Variants in GPATCH8 observed in about 807,000 individuals in gnomAD.
The protein encoded by GPATCH8 is G-patch domain containing 8, also known as G patch domain-containing protein 8.
In GPATCH8, 18 loss-of-function variants were observed where a neutral mutation model predicts 118.3. The ratio of observed to expected loss-of-function variants is 0.15; its 90% CI spans 0.11 to 0.23. The LOEUF (loss-of-function observed/expected upper bound fraction) is 0.23. GPATCH8 is among the 10% of genes least tolerant of loss of function. The pLI is 1.00. For synonymous variants in GPATCH8, 659 were observed against 684.7 expected (o/e 0.96, Z 0.59); for missense variants, 1,631 against 1,873.8 (o/e 0.87, Z 2.39).
Position 44,400,043 on chromosome 17 carries a change from T to C in GPATCH8, c.2034A>G (p.Lys678=). 3 of 1,614,102 alleles carry C rather than the reference T, an allele frequency of 1.9e-6. No individual in the cohort carries two copies. The highest frequency in any genetic ancestry group is 2.5e-6 in the Non-Finnish European group (3 of 1,180,010). ...RSGKSHRHKK[K]KKHKKSSKHK... is the part of the protein sequence containing the mutation. ...GTTTGCTGGATTTTTTGTGCTTCTT[T>C]TTCTTTTTGTGCCGGTGGGACTTCC... The change falls in exon 8 of 8, where the codon AAA becomes AAG. Residue 678 remains lysine, a synonymous_variant. Coordinates refer to ENST00000591680, the MANE Select transcript of GPATCH8 (RefSeq NM_001002909.4).
rs2048862108 is a variant in GPATCH8 at position 44,398,407 on chromosome 17, G to C, written c.3670C>G (p.Leu1224Val). Reference sequence around the variant, plus strand: ...CAGTCAGAATGTGCTGGGGTGCCTAGTGGAGCCACAGGGTGATCAGCAGTA... The same window carrying C: ...CAGTCAGAATGTGCTGGGGTGCCTACTGGAGCCACAGGGTGATCAGCAGTA... ...EATADHPVAP[L>V]GTPAHSDCYP... Residue 1224 changes from leucine (L) to valine (V), a missense_variant, in exon 8 of 8, where the codon CTA (leucine) becomes GTA (valine). Physicochemically the swap from Leu to Val is conservative, Grantham distance 32. Transcript: ENST00000591680. The C allele has an allele frequency of 6.2e-7, 1 of 1,613,894 alleles. No individual in the cohort carries two copies. The highest frequency in any genetic ancestry group is 1.3e-5 in the African/African-American group (1 of 74,916).
At chr17:44,437,287 A>C (rs2050545331) in intron 3 of GPATCH8, among the ~76,000 whole-genome samples, 1 of 152,142 alleles carries the variant, frequency 6.6e-6, no homozygotes, top group African/African-American at 2.4e-5. Context: ...TTGACTTTAA[A>C]CTAATTGATC....
intron 6 of GPATCH8, among the ~76,000 whole-genome samples, chr17:44,422,868 A>G (rs2049961095): frequency 6.6e-6 from 1 of 151,994 alleles, no homozygotes; most frequent in African/African-American, 2.4e-5. Context: ...TTCCTGAAAA[A>G]CCAGTCTTTG....
chr17:44,435,354 A>G (rs2050462378), intron 4 of GPATCH8, among the ~76,000 whole-genome samples: 1 of 151,664 alleles, frequency 6.6e-6, no homozygotes, highest in South Asian at 2.1e-4. Flanking sequence ...AGTTTCCAAA[A>G]GGCACATTTG....
intron 5 of GPATCH8, among the ~76,000 whole-genome samples, chr17:44,425,325 T>G (rs745837409): frequency 6.6e-6 from 1 of 152,188 alleles, no homozygotes; most frequent in African/African-American, 2.4e-5. Context: ...TCTCAAAGAC[T>G]ATATCTACAG....
intron 3 of GPATCH8, among the ~76,000 whole-genome samples, chr17:44,447,856 G>A (rs1188141756): frequency 6.6e-6 from 1 of 152,192 alleles, no homozygotes; most frequent in Non-Finnish European, 1.5e-5. Context: ...AAGATATTTT[G>A]TAAACTTTAA....
At chr17:44,436,442 T>G (rs746261023) in intron 4 of GPATCH8, 36 bp downstream of exon 4, 1 of 882,726 alleles carries the variant, frequency 1.1e-6, no homozygotes, top group Non-Finnish European at 2.0e-6. Context: ...TTTCAAAATA[T>G]CTCACAAAAC....
At chr17:44,454,852 T>C (rs2051266471) in intron 3 of GPATCH8, among the ~76,000 whole-genome samples, 1 of 152,232 alleles carries the variant, frequency 6.6e-6, no homozygotes, top group East Asian at 1.9e-4. Context: ...TCAAAGGCTC[T>C]ACAAGCTCTA....
At position 44,463,816 on chromosome 17, in the gene GPATCH8, G is replaced by A. The variant is rs576891075; in HGVS notation, c.193+656C>T. The stretch of plus-strand genomic sequence containing the variant: ...GGAGAACTCAGAAGCTGAAATATTA[G>A]TATTTTGTTTTTAATACAAATGACT... On this transcript the variant is annotated intron_variant, in intron 3 of 7. Transcript: ENST00000591680. Among the ~76,000 whole-genome samples the A allele has an allele frequency of 5.3e-5, 8 of 152,300 alleles. No individual in the cohort carries two copies. In the South Asian group the frequency reaches 8.3e-4, roughly 16 times the overall value.
chr17:44,452,033 G>A (rs1426692552), intron 3 of GPATCH8, among the ~76,000 whole-genome samples: 1 of 152,104 alleles, frequency 6.6e-6, no homozygotes, highest in South Asian at 2.1e-4. Context: ...CACTTTGGGA[G>A]GCCGATTCGG....
intron 6 of GPATCH8, among the ~76,000 whole-genome samples, chr17:44,419,640 G>A (rs1262453707): frequency 1.3e-5 from 2 of 151,276 alleles, no homozygotes; most frequent in Non-Finnish European, 2.9e-5. Context: ...CTACATGTGC[G>A]TGTCACCACA....
chr17:44,468,290 A>C (rs1966968280), intron 2 of GPATCH8, among the ~76,000 whole-genome samples: 1 of 151,736 alleles, frequency 6.6e-6, no homozygotes, highest in South Asian at 2.1e-4. Flanking sequence ...GCTATTTACA[A>C]CACCAAGTTG....
intron 2 of GPATCH8, among the ~76,000 whole-genome samples, chr17:44,470,252 C>T (rs778301519): frequency 2.0e-5 from 3 of 152,196 alleles, no homozygotes; most frequent in Non-Finnish European, 4.4e-5. Flanking sequence ...GATCGAGTCT[C>T]GCTCTGTCAC....
chr17:44,499,457 G>A (rs1385722713), intron 1 of GPATCH8, among the ~76,000 whole-genome samples: 3 of 152,116 alleles, frequency 2.0e-5, no homozygotes, highest in East Asian at 1.9e-4. Context: ...CAACAAGAGC[G>A]AAACTCCATC....
rs1315239088 is a variant in GPATCH8, at chr17:44,399,113, A to G, written c.2964T>C (p.Tyr988=). 1 of 1,612,608 alleles carries G rather than the reference A, an allele frequency of 6.2e-7. No individual in the cohort carries two copies. The highest frequency in any genetic ancestry group is 8.5e-7 in the Non-Finnish European group (1 of 1,179,114). ...TAHSWQRSRS[Y]SRDRSRSTRS... is the part of the protein sequence containing the mutation. ...TGGTGCTGCGGCTGCGGTCCCGGCT[A>G]TAGCTCCGGCTCCGTTGCCAGCTGT... The change falls in exon 8 of 8, where the codon TAT becomes TAC. Residue 988 remains tyrosine, a synonymous_variant. Coordinates refer to ENST00000591680, the MANE Select transcript of GPATCH8 (RefSeq NM_001002909.4).
intron 7 of GPATCH8, among the ~76,000 whole-genome samples, chr17:44,402,020 A>T (rs1054049303): frequency 2.5e-5 from 3 of 118,300 alleles, no homozygotes; most frequent in African/African-American, 8.1e-5. Context: ...ATTAAAAAAA[A>T]AAATAAAAAA....
At chr17:44,461,296 C>T (rs1004764772) in intron 3 of GPATCH8, among the ~76,000 whole-genome samples, 2 of 152,018 alleles carry the variant, frequency 1.3e-5, no homozygotes, top group Admixed American at 6.6e-5. Context: ...ATCCTCCCAC[C>T]TCAGCCTCCC....
intron 1 of GPATCH8, among the ~76,000 whole-genome samples, chr17:44,502,041 T>C (rs908018460): frequency 6.6e-6 from 1 of 152,208 alleles, no homozygotes; most frequent in Non-Finnish European, 1.5e-5. Context: ...TCCTGTATTG[T>C]GCTGCAGCTA....
intron 3 of GPATCH8, among the ~76,000 whole-genome samples, chr17:44,440,077 CG>C (rs1174092598): frequency 6.6e-6 from 1 of 152,104 alleles, no homozygotes; most frequent in Non-Finnish European, 1.5e-5. Context: ...CCACCTCGCC[CG>C]GCCTCAACTT....
Sources: allele counts gnomAD v4.1 joint callset (sites outside exome capture counted in the v4.1 genomes callset), GRCh38; gene constraint gnomAD v4.1.1; transcripts MANE v1.5; gene names NCBI Gene and HGNC (gene_info 2026-07-23, HGNC 2026-07-21).